The following UBAP1 variants were observed in gnomAD, a reference collection of about 807,000 sequenced individuals.
UBAP1 encodes ubiquitin-associated protein 1.
Under a neutral mutation model 39.0 loss-of-function variants are expected in UBAP1, and 5 were observed. The observed-to-expected ratio is 0.13, with a 90% CI of 0.07 to 0.27. UBAP1 has a LOEUF of 0.27. Ranked by LOEUF, UBAP1 falls within the 10% of genes least tolerant of loss-of-function variation. The probability of loss-of-function intolerance (pLI) is 1.00; values close to 1 mark genes in which losing one functional copy is unlikely to be tolerated. For synonymous variants in UBAP1, 211 were observed against 225.1 expected (o/e 0.94, Z 0.56); for missense variants, 490 against 608.1 (o/e 0.81, Z 2.04).
chr9:34,189,628 AATTATT>A lies in UBAP1; in HGVS notation c.-8+10404_-8+10409del, dbSNP rs978416152. On this transcript the variant is annotated intron_variant, in intron 1 of 6. Transcript: ENST00000297661. ...TAGTTTGTGAACTTTCAAATTTGGAAATTATTATTATTATTATTATTTTTTGAGACG... is the reference window on the plus strand; with the variant it reads ...TAGTTTGTGAACTTTCAAATTTGGAAATTATTATTATTATTTTTTGAGACG... Among the ~76,000 whole-genome samples the A allele has an allele frequency of 3.8e-4, 58 of 151,786 alleles. 1 individual carries two copies. The highest frequency in any genetic ancestry group is 1.0e-3 in the South Asian group (5 of 4,790).
At chr9:34,224,145 C>T (rs1291511626) in intron 2 of UBAP1, 3 of 714,970 alleles carry the variant, frequency 4.2e-6, no homozygotes, top group East Asian at 3.0e-5. Context: ...CTGATTTTGG[C>T]CTTTTTTTTT....
chr9:34,198,131 G>T (rs1831166043), intron 1 of UBAP1, among the ~76,000 whole-genome samples: 1 of 152,150 alleles, frequency 6.6e-6, no homozygotes, highest in Non-Finnish European at 1.5e-5. Context: ...GGGCTCTGAG[G>T]TTAGGAGGGG....
chr9:34,207,051 T>TC (rs995652311), intron 1 of UBAP1, among the ~76,000 whole-genome samples: 12 of 141,490 alleles, frequency 8.5e-5, no homozygotes, highest in East Asian at 4.1e-4. Context: ...GTTATTTCTT[T>TC]TTTTTTTTTT....
In UBAP1 at chr9:34,249,884, G is replaced by A. The variant is rs138812386; in HGVS notation, c.1189G>A (p.Glu397Lys). Residue 397 changes from glutamate to lysine, a missense_variant, in exon 5 of 7, where the codon GAG becomes AAG. Physicochemically the swap from Glu to Lys is moderately conservative, Grantham distance 56. This residue lies in a region of UBAP1 where 339 missense variants were observed against 390.0 expected (regional missense o/e 0.87). Transcript: ENST00000297661. ...MLSPSERQCV[E>K]TVVNMGYSYE... is the part of the protein sequence containing the mutation. The stretch of plus-strand genomic sequence containing the variant: ...GTCCCCCAGCGAGCGGCAGTGTGTG[G>A]AGACGGTGGTCAACATGGGCTACTC... 202 of 1,614,088 alleles carry A rather than the reference G, an allele frequency of 1.3e-4. 1 individual carries two copies. In the East Asian group the frequency reaches 4.1e-3, roughly 33 times the overall value.
chr9:34,205,830 AAAAATAC>A (rs2131544619), intron 1 of UBAP1, among the ~76,000 whole-genome samples: 2 of 152,258 alleles, frequency 1.3e-5, no homozygotes, highest in African/African-American at 4.8e-5. Flanking sequence ...CGTCTCTACT[AAAAATAC>A]AAAAATTAGC....
chr9:34,228,429 A>G (rs951435615), intron 2 of UBAP1, among the ~76,000 whole-genome samples: 8 of 151,912 alleles, frequency 5.3e-5, no homozygotes, highest in South Asian at 2.1e-4. Flanking sequence ...AAAAAAAAAA[A>G]AAAAAGAAAA....
Position 34,242,178 on chromosome 9 carries a change from TTTGG to T in UBAP1, c.1083+74_1083+77del, listed in dbSNP as rs1394706216. ...ACAGGGATTATGTTTTTTCTTGTTG[TTTGG>T]TTGATTTTTTTCGAGACAGGGTCTC... On this transcript the variant is annotated intron_variant, in intron 4 of 6. Transcript: ENST00000297661. 2.7e-6 allele frequency: 4 copies of T among 1,463,906 alleles called. No homozygotes were observed. In the African/African-American group the frequency reaches 5.7e-5, roughly 21 times the overall value. The allele number at this position is 1,463,906 out of a possible 1,614,324, so 90.7% of individuals were successfully genotyped here. A position where few individuals can be genotyped will look rare whatever the true frequency, so the allele number is the denominator to read the frequency against.
intron 1 of UBAP1, among the ~76,000 whole-genome samples, chr9:34,214,655 C>G (rs746048375): frequency 1.3e-5 from 2 of 152,090 alleles, no homozygotes; most frequent in Non-Finnish European, 2.9e-5. Context: ...CCCAATTAAG[C>G]TAAAGAGCTT....
intron 1 of UBAP1, among the ~76,000 whole-genome samples, chr9:34,180,282 C>T (rs1829941011): frequency 6.6e-6 from 1 of 152,006 alleles, no homozygotes; most frequent in Non-Finnish European, 1.5e-5. Context: ...TTTGGGAGGC[C>T]GAGGCGGGCG....
intron 1 of UBAP1, among the ~76,000 whole-genome samples, chr9:34,197,799 C>G (rs1831148298): frequency 6.6e-6 from 1 of 152,230 alleles, no homozygotes; most frequent in African/African-American, 2.4e-5. Flanking sequence ...ATCCACCTGC[C>G]TCAGCCTCCT....
At chr9:34,230,739 C>T (rs72731289) in intron 2 of UBAP1, among the ~76,000 whole-genome samples, 2,005 of 152,092 alleles carry the variant, frequency 0.013, 19 homozygotes, top group Non-Finnish European at 0.021. Flanking sequence ...GGTGCTGGGG[C>T]GGGGGATGAC....
rs1204218699 is a variant in UBAP1, at chr9:34,224,144, GC to G, written c.34+3198del. The G allele has an allele frequency of 2.8e-4, 203 of 722,028 alleles. 8 individuals are homozygous for G. In the African/African-American group the frequency reaches 3.3e-3, roughly 12 times the overall value. The allele number at this position is 722,028 out of a possible 1,614,324, so 44.7% of individuals were successfully genotyped here. A position where few individuals can be genotyped will look rare whatever the true frequency, so the allele number is the denominator to read the frequency against. ...CTCCTCCAGGAGACTGCTGATTTTG[GC>G]CTTTTTTTTTCCTTTCATCGATTTC... On this transcript the variant is annotated intron_variant, in intron 2 of 6. Coordinates refer to ENST00000297661, the MANE Select transcript of UBAP1 (RefSeq NM_016525.5).
chr9:34,197,681 C>G (rs1347275086), intron 1 of UBAP1, among the ~76,000 whole-genome samples: 2 of 152,096 alleles, frequency 1.3e-5, no homozygotes, highest in African/African-American at 2.4e-5. Context: ...TCCCCAGTAG[C>G]TGGGGTTACA....
At chr9:34,250,830 C>G in intron 6 of UBAP1, 71 bp downstream of exon 6, 1 of 1,327,540 alleles carries the variant, frequency 7.5e-7, no homozygotes, top group Non-Finnish European at 1.1e-6. Context: ...GGTTTTCTCC[C>G]TTGGCCCACA....
In UBAP1 at chr9:34,251,597, T is replaced by C. The variant is rs920412514; in HGVS notation, c.*65T>C. 1.4e-4 allele frequency: 215 copies of C among 1,558,680 alleles called. No individual in the cohort carries two copies. The highest frequency in any genetic ancestry group is 1.1e-3 in the South Asian group (91 of 85,530). ...CCTGGGAGGCCCTGCAGAGCCCACC[T>C]GTGGGGAAAGAGAAGGGGCAGCTTC... On this transcript the variant is annotated 3_prime_UTR_variant, in exon 7 of 7. Transcript: ENST00000297661.
rs971182110 is a variant in UBAP1, at chr9:34,243,489, C to CT, written c.1083+1395dup. Among the ~76,000 whole-genome samples, 443 of 141,040 alleles carry CT rather than the reference C, an allele frequency of 3.1e-3. 2 individuals are homozygous for CT. Among genetic ancestry groups the CT allele is most frequent in the African/African-American group, 4.8e-3 (187 of 38,674 alleles). 92.5% of individuals were successfully genotyped at this position (141,040 alleles called of 152,430 possible). On this transcript the variant is annotated intron_variant, in intron 4 of 6. Coordinates refer to ENST00000297661, the MANE Select transcript of UBAP1 (RefSeq NM_016525.5). ...GCTGGAGTTCTGGTGTTTCTTTTTT[C>CT]TTTTTTTTTTTTTTGAGACAGATTC...
intron 3 of UBAP1, among the ~76,000 whole-genome samples, chr9:34,240,438 T>C (rs146482276): frequency 2.1e-4 from 32 of 152,314 alleles, no homozygotes; most frequent in African/African-American, 7.5e-4. Flanking sequence ...CTCTAGTGCT[T>C]TGGGGTGAAA....
chr9:34,251,826 T>G lies in UBAP1; in HGVS notation c.*294T>G. 1 of 291,326 alleles carries G rather than the reference T, an allele frequency of 3.4e-6. No individual in the cohort carries two copies. The highest frequency in any genetic ancestry group is 6.5e-6 in the Non-Finnish European group (1 of 153,564). 18.0% of individuals were successfully genotyped at this position (291,326 alleles called of 1,614,324 possible). A position where few individuals can be genotyped will look rare whatever the true frequency, so the allele number is the denominator to read the frequency against. On this transcript the variant is annotated 3_prime_UTR_variant, in exon 7 of 7. Transcript: ENST00000297661. ...CCCTCCGGAGAGACTACCCTAGTCTTTCTGGGGTGTTTATGTCCTCAGCTG... is the reference window on the plus strand; with the variant it reads ...CCCTCCGGAGAGACTACCCTAGTCTGTCTGGGGTGTTTATGTCCTCAGCTG...
At chr9:34,238,031 G>A (rs1050325332) in intron 3 of UBAP1, among the ~76,000 whole-genome samples, 1 of 152,100 alleles carries the variant, frequency 6.6e-6, no homozygotes, top group Non-Finnish European at 1.5e-5. Flanking sequence ...CAGCCTCCTC[G>A]CAGCCTCTGG....
Sources: allele counts gnomAD v4.1 joint callset (sites outside exome capture counted in the v4.1 genomes callset), GRCh38; gene constraint gnomAD v4.1.1; regional missense constraint gnomAD v4.1.1; transcripts MANE v1.5; gene names NCBI Gene and HGNC (gene_info 2026-07-23, HGNC 2026-07-21).